The following PTPRG variants were observed in gnomAD, a reference collection of about 807,000 sequenced individuals.
The protein encoded by PTPRG is protein tyrosine phosphatase receptor type G.
A neutral mutation model predicts 165.3 loss-of-function variants in PTPRG; 102 were observed. That is an observed-to-expected ratio of 0.62 (90% CI 0.53 to 0.73). PTPRG has a LOEUF of 0.73. PTPRG is among the 30% of genes least tolerant of loss of function. The pLI is 0.00. For missense variants in PTPRG, 1,866 were observed against 1,861.4 expected, an observed-to-expected ratio of 1.00 and a Z score of -0.05; for synonymous variants, 675 against 669.5, an observed-to-expected ratio of 1.01 and a Z score of -0.13.
chr3:61,649,470 T>C (rs80010564), intron 1 of PTPRG, among the ~76,000 whole-genome samples: 4 of 152,340 alleles, frequency 2.6e-5, no homozygotes, highest in African/African-American at 9.6e-5. Context: ...AAGGAAGATA[T>C]GCTGTGACCT....
chr3:62,058,283 G>A (rs563573096), intron 4 of PTPRG, among the ~76,000 whole-genome samples: 2 of 152,092 alleles, frequency 1.3e-5, no homozygotes, highest in Admixed American at 1.3e-4. Flanking sequence ...GTTGCCTTAC[G>A]GTGGGAAGGA....
chr3:61,728,889 A>G lies in PTPRG; in HGVS notation c.86-19989A>G, dbSNP rs867268303. On this transcript the variant is annotated intron_variant, in intron 1 of 29. Transcript: ENST00000474889. ...TAATCTGTACCAAAAAAAAAAAAAA[A>G]AAAGAAAGAAAGAAAGAAAAAAATT... 2.4e-3 allele frequency among the ~76,000 whole-genome samples: 365 copies of G among 150,616 alleles called. 2 individuals carry two copies. The highest frequency in any genetic ancestry group is 7.7e-3 in the African/African-American group (317 of 41,018).
At chr3:62,215,558 C>G (rs969366329) in intron 12 of PTPRG, among the ~76,000 whole-genome samples, 15 of 143,728 alleles carry the variant, frequency 1.0e-4, no homozygotes, top group Non-Finnish European at 2.1e-4. Context: ...CCCCCCCCCC[C>G]GCCAATTATT....
intron 4 of PTPRG, among the ~76,000 whole-genome samples, chr3:62,031,388 CCCCAG>C (rs1699764826): frequency 2.0e-5 from 3 of 151,894 alleles, no homozygotes; most frequent in Non-Finnish European, 2.9e-5. Context: ...CTGCAGCAAG[CCCCAG>C]TGTTTAGGAA....
chr3:62,051,342 C>T (rs1360082406), intron 4 of PTPRG, among the ~76,000 whole-genome samples: 1 of 152,194 alleles, frequency 6.6e-6, no homozygotes, highest in African/African-American at 2.4e-5. Context: ...GCATTTCTGG[C>T]ATGGGAACCC....
chr3:61,796,641 G>A (rs1196135281), intron 2 of PTPRG, among the ~76,000 whole-genome samples: 1 of 152,232 alleles, frequency 6.6e-6, no homozygotes, highest in Non-Finnish European at 1.5e-5. Context: ...TTGCCCTTGT[G>A]TGCAGGATTC....
intron 1 of PTPRG, among the ~76,000 whole-genome samples, chr3:61,621,656 A>T (rs12489995): frequency 0.38 from 57,430 of 151,960 alleles, 12,190 homozygotes; most frequent in South Asian, 0.56. Flanking sequence ...TTCCAAATAT[A>T]TTTATCCTCT....
At chr3:62,001,315 A>C (rs1214184783) in intron 3 of PTPRG, among the ~76,000 whole-genome samples, 1 of 152,242 alleles carries the variant, frequency 6.6e-6, no homozygotes, top group Non-Finnish European at 1.5e-5. Flanking sequence ...TTAATTATTC[A>C]TATAAAACAA....
chr3:61,638,591 GTTTTT>G (rs34396141), intron 1 of PTPRG, among the ~76,000 whole-genome samples: 2 of 58,716 alleles, frequency 3.4e-5, no homozygotes, highest in South Asian at 1.9e-3. Context: ...TGCCTGGCTA[GTTTTT>G]TTTTTTTTTT....
At chr3:61,786,449 G>T (rs770734094) in intron 2 of PTPRG, among the ~76,000 whole-genome samples, 3 of 152,062 alleles carry the variant, frequency 2.0e-5, no homozygotes, top group South Asian at 4.2e-4. Context: ...TCAGTTGGTC[G>T]CTAGTTATGG....
intron 3 of PTPRG, among the ~76,000 whole-genome samples, chr3:61,998,494 C>T (rs2041092845): frequency 6.6e-6 from 1 of 152,168 alleles, no homozygotes; most frequent in Admixed American, 6.5e-5. Context: ...AGAATAGGAA[C>T]GAAGGCACCA....
At chr3:61,876,767 C>A (rs1334017908) in intron 2 of PTPRG, among the ~76,000 whole-genome samples, 2 of 151,520 alleles carry the variant, frequency 1.3e-5, no homozygotes, top group Non-Finnish European at 2.9e-5. Flanking sequence ...ATAAGCCCTT[C>A]TATTAATATA....
intron 1 of PTPRG, among the ~76,000 whole-genome samples, chr3:61,680,394 C>T (rs894745871): frequency 1.3e-5 from 2 of 151,436 alleles, no homozygotes; most frequent in Non-Finnish European, 2.9e-5. Flanking sequence ...TGTGCTCCTA[C>T]TCTTGCCCAG....
At chr3:61,972,142 AT>A (rs2040399466) in intron 2 of PTPRG, among the ~76,000 whole-genome samples, 1 of 152,236 alleles carries the variant, frequency 6.6e-6, no homozygotes, top group Non-Finnish European at 1.5e-5. Flanking sequence ...AATAGGTCTT[AT>A]TGATAAAGTG....
chr3:61,911,205 C>A (rs755956146), intron 2 of PTPRG, among the ~76,000 whole-genome samples: 1 of 152,118 alleles, frequency 6.6e-6, no homozygotes, highest in Non-Finnish European at 1.5e-5. Context: ...GGTTTCAAGA[C>A]AAAGAGGGGA....
chr3:61,573,375 C>T lies in PTPRG; in HGVS notation c.85+11003C>T, dbSNP rs536116680. Among the ~76,000 whole-genome samples, 3 of 151,986 alleles carry T rather than the reference C, an allele frequency of 2.0e-5. No homozygotes were observed. The South Asian group carries it at 6.2e-4, about 32-fold the overall frequency. ...AGTTTTTTTTACACAATATTGCTGC[C>T]CTCCTAATTTTTGCACATGGATTTC... On this transcript the variant is annotated intron_variant, in intron 1 of 29. Coordinates refer to ENST00000474889, the MANE Select transcript of PTPRG (RefSeq NM_002841.4).
chr3:62,231,114 C>T (rs1000376800), intron 13 of PTPRG, 111 bp from the exon 14 acceptor site: 70 of 724,370 alleles, frequency 9.7e-5, no homozygotes, highest in Non-Finnish European at 1.2e-4. Flanking sequence ...GGCCTGATGA[C>T]GGGGTCTGTC....
At position 61,989,802 on chromosome 3, in the gene PTPRG, C is replaced by A. The variant is rs1422649186; in HGVS notation, c.368C>A (p.Thr123Lys). Residue 123 changes from threonine (T) to lysine (K), a missense_variant and splice_region_variant, in exon 3 of 30, where the codon ACA becomes AAA. Thr to Lys is a moderately conservative substitution (Grantham distance 78). Transcript: ENST00000474889. ...ACCTGGATGAAAAACACAGGGAAAA[C>A]AGGTAGACAATGGCTTCTTTATTTG... ...NKTWMKNTGK[T>K]VAILLKDDYF... is the part of the protein sequence containing the mutation. 3.1e-6 allele frequency: 5 copies of A among 1,613,774 alleles called. No individual in the cohort carries two copies. Among genetic ancestry groups the A allele is most frequent in the Non-Finnish European group, 4.2e-6 (5 of 1,179,832 alleles).
At chr3:62,081,692 C>CACT (rs1701588332) in intron 5 of PTPRG, among the ~76,000 whole-genome samples, 1 of 152,172 alleles carries the variant, frequency 6.6e-6, no homozygotes. Context: ...CTTGAATTCT[C>CACT]ACTATGTCAT....
Sources: allele counts gnomAD v4.1 joint callset (sites outside exome capture counted in the v4.1 genomes callset), GRCh38; gene constraint gnomAD v4.1.1; transcripts MANE v1.5; gene names NCBI Gene and HGNC (gene_info 2026-07-23, HGNC 2026-07-21).